DCAF6: variants seen among roughly 807,000 people sequenced by gnomAD.
DCAF6 encodes the protein DDB1 and CUL4 associated factor 6.
In DCAF6, 54 loss-of-function variants were observed where a neutral mutation model predicts 125.1. The observed-to-expected ratio is 0.43, with a 90% CI of 0.35 to 0.54. DCAF6 has a LOEUF of 0.54. DCAF6 is among the 20% of genes least tolerant of loss of function. The pLI is 0.01. For missense variants in DCAF6, 934 were observed against 1,161.7 expected (o/e 0.80, Z 2.85); for synonymous variants, 371 against 390.4 (o/e 0.95, Z 0.58).
intron 2 of DCAF6, among the ~76,000 whole-genome samples, chr1:167,964,320 G>C (rs987415159): frequency 2.6e-5 from 4 of 152,164 alleles, no homozygotes; most frequent in African/African-American, 9.7e-5. Context: ...GCGGGGTACA[G>C]TATTCTAGGT....
At chr1:167,995,607 G>A (rs1223516881) in intron 7 of DCAF6, among the ~76,000 whole-genome samples, 3 of 150,526 alleles carry the variant, frequency 2.0e-5, no homozygotes, top group African/African-American at 7.4e-5. Context: ...TTGAACCCAA[G>A]AGAAGGAGGT....
At chr1:167,964,364 T>TA (rs1338955706) in intron 2 of DCAF6, among the ~76,000 whole-genome samples, 3 of 152,224 alleles carry the variant, frequency 2.0e-5, no homozygotes, top group Non-Finnish European at 2.9e-5. Context: ...GTTACTGCTT[T>TA]AAATATTTCA....
chr1:167,925,534 GTTTT>G, the DCAF6 span, among the ~76,000 whole-genome samples: 65 of 77,540 alleles, frequency 8.4e-4, no homozygotes, highest in Non-Finnish European at 1.6e-3. Flanking sequence ...TTTTTTTTTG[GTTTT>G]TTTTTTGGTT....
At chr1:167,943,739 A>G (rs935311832) in intron 1 of DCAF6, among the ~76,000 whole-genome samples, 1 of 152,180 alleles carries the variant, frequency 6.6e-6, no homozygotes, top group Non-Finnish European at 1.5e-5. Context: ...TTTAGAACAC[A>G]CTTATGAGTC....
chr1:168,026,109 T>C (rs1686306794), intron 12 of DCAF6, among the ~76,000 whole-genome samples: 1 of 152,216 alleles, frequency 6.6e-6, no homozygotes, highest in Non-Finnish European at 1.5e-5. Context: ...AACTTCACAA[T>C]CTCTAGTAAG....
the DCAF6 span, among the ~76,000 whole-genome samples, chr1:167,871,980 C>T: frequency 6.6e-6 from 1 of 152,142 alleles, no homozygotes; most frequent in Non-Finnish European, 1.5e-5. Context: ...TGTAACAAAC[C>T]TGCACGTTGT....
At chr1:168,011,172 A>G (rs1437956260) in intron 10 of DCAF6, among the ~76,000 whole-genome samples, 2 of 136,698 alleles carry the variant, frequency 1.5e-5, no homozygotes, top group East Asian at 4.2e-4. Context: ...GCTGGAGTGC[A>G]GTGGCGCGAC....
the DCAF6 span, among the ~76,000 whole-genome samples, chr1:167,926,337 A>G: frequency 3.3e-5 from 5 of 152,190 alleles, no homozygotes; most frequent in East Asian, 9.6e-4. Flanking sequence ...TTCTCTAAGC[A>G]GTATTGTTCT....
At chr1:168,072,457 T>A (rs1693237608) in intron 21 of DCAF6, among the ~76,000 whole-genome samples, 1 of 152,180 alleles carries the variant, frequency 6.6e-6, no homozygotes, top group Non-Finnish European at 1.5e-5. Flanking sequence ...AAGCTTTAAT[T>A]TCTTTATTTA....
chr1:167,987,509 C>G lies in DCAF6; in HGVS notation c.453C>G (p.Pro151=). The G allele has an allele frequency of 3.8e-6, 6 of 1,578,770 alleles. No homozygotes were observed. Among genetic ancestry groups the G allele is most frequent in the Non-Finnish European group, 5.2e-6 (6 of 1,150,982 alleles). ...TTCATCTTCAGATTATGACTGTACCCAATGACCCTTACACTTTTCTCTCTT... is the reference window on the plus strand; with the variant it reads ...TTCATCTTCAGATTATGACTGTACCGAATGACCCTTACACTTTTCTCTCTT... ...YGTTYEIMTV[P]NDPYTFLSCG... Residue 151 remains proline (P), a synonymous_variant, in exon 5 of 22, where the codon CCC becomes CCG. Transcript: ENST00000367840.
chr1:167,883,882 C>T, the DCAF6 span, among the ~76,000 whole-genome samples: 1 of 152,196 alleles, frequency 6.6e-6, no homozygotes, highest in African/African-American at 2.4e-5. Flanking sequence ...CTGGCTTCCT[C>T]ATGCCAATAT....
rs537421374 is a variant in DCAF6 at position 167,995,615 on chromosome 1, G to A, written c.903+2175G>A. On this transcript the variant is annotated intron_variant, in intron 7 of 21. Coordinates refer to ENST00000367840, the MANE Select transcript of DCAF6 (RefSeq NM_001198956.2). ...GAATTGCTTGAACCCAAGAGAAGGA[G>A]GTTGCATGAGCCGAGATCACGCCAT... Among the ~76,000 whole-genome samples the A allele has an allele frequency of 5.7e-4, 86 of 151,648 alleles. No homozygotes were observed. The South Asian group carries it at 0.017, about 31-fold the overall frequency.
intron 10 of DCAF6, among the ~76,000 whole-genome samples, chr1:168,009,006 T>TC (rs1462508103): frequency 6.7e-6 from 1 of 149,396 alleles, no homozygotes; most frequent in African/African-American, 2.5e-5. Flanking sequence ...TTTCTTTCTT[T>TC]TTCTTCTTTT....
At chr1:168,019,616 C>T (rs1260687567) in intron 11 of DCAF6, 2 of 429,624 alleles carry the variant, frequency 4.7e-6, no homozygotes, top group Admixed American at 2.5e-5. Context: ...TGGTACTGAC[C>T]TAACCACCAC....
Position 167,937,793 on chromosome 1 carries a change from T to C in DCAF6, c.97+785T>C, listed in dbSNP as rs181883631. Among the ~76,000 whole-genome samples, 344 of 152,338 alleles carry C rather than the reference T, an allele frequency of 2.3e-3. 1 individual carries two copies. Among genetic ancestry groups the C allele is most frequent in the Admixed American group, 3.8e-3 (58 of 15,300 alleles). ...GTCACGCCCGAGTCAACTAAAAAGT[T>C]TGGTTTCTTAAAAATGGACGTACTT... is the stretch of plus-strand genomic sequence containing the variant. On this transcript the variant is annotated intron_variant, in intron 1 of 21. Coordinates refer to ENST00000367840, the MANE Select transcript of DCAF6 (RefSeq NM_001198956.2).
At chr1:167,924,494 TA>T in the DCAF6 span, 1 of 1,592,216 alleles carries the variant, frequency 6.3e-7, no homozygotes, top group Non-Finnish European at 8.5e-7. Flanking sequence ...ACTCAAGACT[TA>T]CCCATTTCAT....
At chr1:168,054,029 C>T (rs546943259) in intron 17 of DCAF6, among the ~76,000 whole-genome samples, 21 of 152,154 alleles carry the variant, frequency 1.4e-4, no homozygotes, top group Admixed American at 3.9e-4. Flanking sequence ...CAGCAAGATA[C>T]TCTCTAGCAA....
chr1:167,890,264 A>G, the DCAF6 span, among the ~76,000 whole-genome samples: 7 of 152,220 alleles, frequency 4.6e-5, no homozygotes, highest in African/African-American at 1.7e-4. Context: ...TCTATATTAC[A>G]GAGCACCGCA....
At chr1:167,955,727 T>G (rs1468986634) in intron 2 of DCAF6, among the ~76,000 whole-genome samples, 1 of 152,160 alleles carries the variant, frequency 6.6e-6, no homozygotes, top group Non-Finnish European at 1.5e-5. Context: ...ATTATAAGAT[T>G]GAATAGAAGG....
Sources: allele counts gnomAD v4.1 joint callset (sites outside exome capture counted in the v4.1 genomes callset), GRCh38; gene constraint gnomAD v4.1.1; transcripts MANE v1.5; gene names NCBI Gene and HGNC (gene_info 2026-07-23, HGNC 2026-07-21).